Variants in TP63 observed in about 807,000 individuals in gnomAD.
The protein encoded by TP63 is tumor protein 63.
TP63 carries 17 observed loss-of-function variants against 82.8 expected under a neutral mutation model. The ratio of observed to expected loss-of-function variants is 0.21; its 90% CI spans 0.14 to 0.31. The LOEUF is 0.31. TP63 is among the 10% of genes least tolerant of loss of function. The pLI is 1.00. For missense variants in TP63, 648 were observed against 895.3 expected, an observed-to-expected ratio of 0.72 and a Z score of 3.52; for synonymous variants, 330 against 321.7, an observed-to-expected ratio of 1.03 and a Z score of -0.28.
intron 4 of TP63, among the ~76,000 whole-genome samples, chr3:189,849,055 C>A (rs114766353): frequency 0.01 from 1,524 of 152,196 alleles, 11 homozygotes; most frequent in Middle Eastern, 0.031. Context: ...GATAATGAAA[C>A]CTTCATAAAA....
chr3:189,879,721 T>C (rs926588684), intron 10 of TP63, among the ~76,000 whole-genome samples: 1 of 152,238 alleles, frequency 6.6e-6, no homozygotes, highest in Admixed American at 6.5e-5. Flanking sequence ...GGTCCTCGAC[T>C]GAATCGCCTT....
At chr3:189,619,102 TA>T in the TP63 span, among the ~76,000 whole-genome samples, 2 of 152,220 alleles carry the variant, frequency 1.3e-5, no homozygotes, top group Admixed American at 1.3e-4. Flanking sequence ...CTTCTGCTGA[TA>T]CATGCTAGCT....
intron 1 of TP63, among the ~76,000 whole-genome samples, chr3:189,680,375 G>T (rs921751152): frequency 1.3e-5 from 2 of 151,832 alleles, no homozygotes; most frequent in African/African-American, 4.8e-5. Context: ...AATAATTAAT[G>T]CCCATCCTTT....
At chr3:189,631,785 A>C (rs1316279393) in intron 1 of TP63, among the ~76,000 whole-genome samples, 1 of 152,138 alleles carries the variant, frequency 6.6e-6, no homozygotes. Flanking sequence ...AAAGTGAAAA[A>C]ATTTGAAGCG....
At chr3:189,740,374 T>A (rs1368020004) in intron 3 of TP63, among the ~76,000 whole-genome samples, 5 of 152,188 alleles carry the variant, frequency 3.3e-5, no homozygotes, top group African/African-American at 1.2e-4. Flanking sequence ...GTTATTGTAT[T>A]CTCTCCAGGG....
At chr3:189,597,663 G>A in the TP63 span, among the ~76,000 whole-genome samples, 1 of 152,204 alleles carries the variant, frequency 6.6e-6, no homozygotes, top group African/African-American at 2.4e-5. Flanking sequence ...GGTGGCTCAT[G>A]CTTGTAATTC....
chr3:189,643,192 G>C (rs1156610248), intron 1 of TP63, among the ~76,000 whole-genome samples: 1 of 151,944 alleles, frequency 6.6e-6, no homozygotes, highest in Non-Finnish European at 1.5e-5. Flanking sequence ...GTAGAGATGG[G>C]GTTTTGCCAT....
chr3:189,661,910 A>G (rs1713917338), intron 1 of TP63, among the ~76,000 whole-genome samples: 1 of 152,046 alleles, frequency 6.6e-6, no homozygotes, highest in Non-Finnish European at 1.5e-5. Flanking sequence ...GATTGGTTGT[A>G]ATGCCACCAT....
At chr3:189,654,252 A>G (rs940091599) in intron 1 of TP63, among the ~76,000 whole-genome samples, 3 of 152,288 alleles carry the variant, frequency 2.0e-5, no homozygotes, top group Non-Finnish European at 2.9e-5. Context: ...TGTAAAAAAA[A>G]AAAAGAAAAA....
intron 4 of TP63, among the ~76,000 whole-genome samples, chr3:189,843,299 C>T (rs2108747254): frequency 6.6e-6 from 1 of 152,346 alleles, no homozygotes; most frequent in Admixed American, 6.5e-5. Flanking sequence ...GGGCTCCTGG[C>T]TGGTCCTCAC....
intron 3 of TP63, among the ~76,000 whole-genome samples, chr3:189,784,892 C>A (rs1724482031): frequency 6.6e-6 from 1 of 152,026 alleles, no homozygotes; most frequent in Non-Finnish European, 1.5e-5. Context: ...ACACTTAATT[C>A]ATGCAATATT....
intron 1 of TP63, among the ~76,000 whole-genome samples, chr3:189,658,461 C>A (rs1441142717): frequency 6.6e-6 from 1 of 151,946 alleles, no homozygotes; most frequent in Non-Finnish European, 1.5e-5. Flanking sequence ...AAGTGAGAAA[C>A]TTTGCAAACA....
chr3:189,865,212 A>G (rs1437123644), intron 5 of TP63, among the ~76,000 whole-genome samples: 3 of 152,166 alleles, frequency 2.0e-5, no homozygotes. Flanking sequence ...GAAAAAGGAA[A>G]AAAAGATGAG....
chr3:189,812,829 G>C (rs1229465834), intron 4 of TP63, among the ~76,000 whole-genome samples: 1 of 152,028 alleles, frequency 6.6e-6, no homozygotes. Flanking sequence ...ACCTTTAGTT[G>C]TACTAAAGGT....
intron 4 of TP63, among the ~76,000 whole-genome samples, chr3:189,819,241 A>G (rs998739074): frequency 6.6e-6 from 1 of 152,094 alleles, no homozygotes; most frequent in Non-Finnish European, 1.5e-5. Flanking sequence ...TTATTCTCCC[A>G]CCCAGGCTGT....
At chr3:189,774,169 G>C (rs578111450) in intron 3 of TP63, among the ~76,000 whole-genome samples, 3 of 151,974 alleles carry the variant, frequency 2.0e-5, no homozygotes, top group African/African-American at 7.2e-5. Context: ...TGATCCGCCC[G>C]CCTCGGCCTC....
chr3:189,745,576 G>T (rs775717360), intron 3 of TP63, among the ~76,000 whole-genome samples: 1 of 151,308 alleles, frequency 6.6e-6, no homozygotes, highest in Non-Finnish European at 1.5e-5. Flanking sequence ...GCGTGATGGC[G>T]CATGCCTGTA....
chr3:189,779,863 C>T (rs1203142328), intron 3 of TP63, among the ~76,000 whole-genome samples: 4 of 152,182 alleles, frequency 2.6e-5, no homozygotes, highest in African/African-American at 9.7e-5. Flanking sequence ...TGAATGCTTA[C>T]TCTGCATACT....
At chr3:189,746,497 A>G (rs965421770) in intron 3 of TP63, among the ~76,000 whole-genome samples, 5 of 152,094 alleles carry the variant, frequency 3.3e-5, no homozygotes. Context: ...TACAACAAAC[A>G]TAAAAACAAA....
Sources: allele counts gnomAD v4.1 joint callset (sites outside exome capture counted in the v4.1 genomes callset), GRCh38; gene constraint gnomAD v4.1.1; transcripts MANE v1.5; gene names NCBI Gene and HGNC (gene_info 2026-07-23, HGNC 2026-07-21).